ENGASE: variants seen among roughly 807,000 people sequenced by gnomAD.
ENGASE encodes the protein cytosolic endo-beta-N-acetylglucosaminidase.
ENGASE carries 69 observed loss-of-function variants against 78.5 expected under a neutral mutation model. The ratio of observed to expected loss-of-function variants is 0.88; its 90% CI spans 0.72 to 1.07. The LOEUF is 1.07. Among genes scored for constraint, ENGASE ranks in the 50% least tolerant of loss-of-function variants. The pLI is 0.00. For missense variants in ENGASE, 943 were observed against 988.4 expected (o/e 0.95, Z 0.62); for synonymous variants, 408 against 408.9 (o/e 1.00, Z 0.03).
Position 79,083,004 on chromosome 17 carries a change from C to G in ENGASE, c.1039-16C>G, listed in dbSNP as rs1347003975. ...TCTGGTCCTGATGTGCCCAGCGTCT[C>G]CCTCTGTCTCTTCAGTCGTTGGAGC... On this transcript the variant is annotated splice_polypyrimidine_tract_variant and intron_variant, in intron 7 of 13. Transcript: ENST00000579016. The surrounding 1 kb of genome is among the most constrained non-coding windows in gnomAD (Gnocchi z 4.9). The G allele has an allele frequency of 6.2e-7, 1 of 1,612,548 alleles. No homozygotes were observed. The highest frequency in any genetic ancestry group is 2.2e-5 in the East Asian group (1 of 44,862).
chr17:79,080,774 G>A, intron 5 of ENGASE, 151 bp from the exon 6 acceptor site: 1 of 1,022,884 alleles, frequency 9.8e-7, no homozygotes, highest in Non-Finnish European at 1.4e-6. Context: ...GACTCCACTT[G>A]CGGGGCTGTG....
chr17:79,085,909 G>A lies in ENGASE; in HGVS notation c.1816-24G>A, dbSNP rs185332588. 7.8e-4 allele frequency: 1,241 copies of A among 1,584,400 alleles called. 5 individuals carry two copies. The highest frequency in any genetic ancestry group is 5.8e-3 in the African/African-American group (432 of 74,748). The stretch of plus-strand genomic sequence containing the variant: ...TCTCCCCGCCCCCGGGCGTCCAGCC[G>A]TGCTGAGCCTTCTCTCCTGCCAGGT... On this transcript the variant is annotated intron_variant, in intron 13 of 13. Transcript: ENST00000579016.
chr17:79,080,437 T>G (rs1161109122), intron 5 of ENGASE, 73 bp downstream of exon 5: 9 of 1,560,082 alleles, frequency 5.8e-6, no homozygotes, highest in Admixed American at 5.2e-5. Context: ...TTTCCTGCCT[T>G]GGCCTCACCT....
chr17:79,086,067 C>G lies in ENGASE; in HGVS notation c.1950C>G (p.His650Gln), dbSNP rs1315143996. ...PALLQLSCTL[H>Q]WSFLLSQVRC... Reference sequence around the variant, plus strand: ...TGCTCCAGCTCAGCTGCACCCTGCACTGGTCCTTCCTCCTCTCACAAGTCC... The same window carrying G: ...TGCTCCAGCTCAGCTGCACCCTGCAGTGGTCCTTCCTCCTCTCACAAGTCC... Residue 650 changes from histidine (H) to glutamine (Q), a missense_variant, in exon 14 of 14, where the codon CAC becomes CAG. Physicochemically the swap from His to Gln is conservative, Grantham distance 24 (BLOSUM62 0). Transcript: ENST00000579016. 6.2e-7 allele frequency: 1 copy of G among 1,613,432 alleles called. No homozygotes were observed. The highest frequency in any genetic ancestry group is 8.5e-7 in the Non-Finnish European group (1 of 1,180,056).
chr17:79,082,789 C>T, intron 7 of ENGASE: 1 of 1,482,380 alleles, frequency 6.7e-7, no homozygotes, highest in Non-Finnish European at 9.0e-7. Context: ...CCCCTGCCCC[C>T]CTGCCCTTGC....
Position 79,086,960 on chromosome 17 carries a change from G to C in ENGASE, c.*611G>C, listed in dbSNP as rs1381186710. ...GCGCTGGCTTCGTGCCTCCACGTGG[G>C]CCAGCCCCAGCTGCTCCGTGTTTCC... On this transcript the variant is annotated 3_prime_UTR_variant, in exon 14 of 14. Coordinates refer to ENST00000579016, the MANE Select transcript of ENGASE (RefSeq NM_001042573.3). 1 of 495,468 alleles carries C rather than the reference G, an allele frequency of 2.0e-6. No homozygotes were observed. The allele number at this position is 495,468 out of a possible 1,614,324, so 30.7% of individuals were successfully genotyped here. A position where few individuals can be genotyped will look rare whatever the true frequency, so the allele number is the denominator to read the frequency against.
intron 3 of ENGASE, 66 bp downstream of exon 3, chr17:79,077,930 G>C: frequency 2.3e-6 from 3 of 1,306,058 alleles, no homozygotes; most frequent in Non-Finnish European, 2.1e-6. Context: ...GGGGCTGGAG[G>C]GGCGGGAGAG....
chr17:79,075,150 G>C, intron 1 of ENGASE, 60 bp downstream of exon 1: 1 of 1,196,774 alleles, frequency 8.4e-7, no homozygotes, highest in Non-Finnish European at 1.0e-6. Context: ...GTGGCCCCGG[G>C]GCCCGAGGTT....
At position 79,085,121 on chromosome 17, in the gene ENGASE, G is replaced by A. The variant is rs970635822; in HGVS notation, c.1592-113G>A. 4.6e-5 allele frequency: 38 copies of A among 825,348 alleles called. 1 individual carries two copies. The highest frequency in any genetic ancestry group is 1.3e-4 in the African/African-American group (8 of 59,572). The allele number at this position is 825,348 out of a possible 1,614,324, so 51.1% of individuals were successfully genotyped here. ...TGGTTGCTTCTTGGGACCCGCGAGC[G>A]TCTGGCCGAATCAGGCAGCCTTCTC... On this transcript the variant is annotated intron_variant, in intron 11 of 13. Coordinates refer to ENST00000579016, the MANE Select transcript of ENGASE (RefSeq NM_001042573.3).
At position 79,083,675 on chromosome 17, in the gene ENGASE, G is replaced by T. The variant is rs1440753633; in HGVS notation, c.1251+85G>T. On this transcript the variant is annotated intron_variant, in intron 9 of 13. Transcript: ENST00000579016. This position sits in a 1 kb window ranked among gnomAD's most constrained non-coding sequence, Gnocchi z 4.9. Reference sequence around the variant, plus strand: ...AGCCTGGGACTTGCCAGCAGGCACGGTGGTGGTCTTACCCTTCCCTGCCGC... The same window carrying T: ...AGCCTGGGACTTGCCAGCAGGCACGTTGGTGGTCTTACCCTTCCCTGCCGC... 6 of 1,530,170 alleles carry T rather than the reference G, an allele frequency of 3.9e-6. No homozygotes were observed. The Admixed American group carries it at 5.3e-5, about 13-fold the overall frequency. The allele number at this position is 1,530,170 out of a possible 1,614,324, so 94.8% of individuals were successfully genotyped here. A position where few individuals can be genotyped will look rare whatever the true frequency, so the allele number is the denominator to read the frequency against.
rs201573075 is a variant in ENGASE at position 79,086,341 on chromosome 17, C to T, written c.2224C>T (p.Pro742Ser). ...CAGGGCAGTTCTGCTTTATTCAGCC[C>T]CTGCATGAGCGGATGCTAAGGCCGG... ...WGRAVLLYSA[P>S]A Residue 742 changes from proline (P) to serine (S), a missense_variant, in exon 14 of 14, where the codon CCT (proline) becomes TCT (serine). By Grantham distance (74) the Pro-to-Ser change is moderately conservative. Transcript: ENST00000579016. 6.2e-7 allele frequency: 1 copy of T among 1,609,420 alleles called. No homozygotes were observed. The highest frequency in any genetic ancestry group is 2.2e-5 in the East Asian group (1 of 44,790).
At chr17:79,077,949 G>A (rs2145974252) in intron 3 of ENGASE, 85 bp downstream of exon 3, 1 of 1,371,690 alleles carries the variant, frequency 7.3e-7, no homozygotes, top group South Asian at 1.3e-5. Context: ...AGAGTGCCAT[G>A]TGTAGAAAGA....
intron 7 of ENGASE, chr17:79,082,286 T>C: frequency 1.3e-6 from 2 of 1,482,164 alleles, no homozygotes; most frequent in Non-Finnish European, 1.8e-6. Flanking sequence ...GATAATGTAT[T>C]TTTGTGTGGG....
rs527393912 is a variant in ENGASE, at chr17:79,079,750, C to T, written c.565+113C>T. The T allele has an allele frequency of 9.5e-6, 13 of 1,369,966 alleles. No homozygotes were observed. The East Asian group carries it at 1.9e-4, about 20-fold the overall frequency. 84.9% of individuals were successfully genotyped at this position (1,369,966 alleles called of 1,614,324 possible). ...CTGCTTCTCAGTGCCCAGAGCCCCTCGCTGGGGGCCGCCTTGGTCGGCTAG... is the reference window on the plus strand; with the variant it reads ...CTGCTTCTCAGTGCCCAGAGCCCCTTGCTGGGGGCCGCCTTGGTCGGCTAG... On this transcript the variant is annotated intron_variant, in intron 4 of 13. Transcript: ENST00000579016.
chr17:79,077,575 C>T, intron 2 of ENGASE, 78 bp downstream of exon 2: 2 of 1,569,410 alleles, frequency 1.3e-6, no homozygotes, highest in Non-Finnish European at 1.7e-6. Flanking sequence ...TGCCCCCTCT[C>T]ATGTTCCTTC....
intron 4 of ENGASE, 54 bp downstream of exon 4, chr17:79,079,691 AG>A (rs1224247827): frequency 1.3e-6 from 2 of 1,582,606 alleles, no homozygotes; most frequent in Middle Eastern, 3.4e-4. Context: ...CTCACCAGCC[AG>A]GGGACCCCGT....
rs2073341431 is a variant in ENGASE at position 79,087,197 on chromosome 17, G to C, written c.*848G>C. 2.6e-6 allele frequency: 1 copy of C among 378,392 alleles called. No individual in the cohort carries two copies. The highest frequency in any genetic ancestry group is 2.1e-5 in the African/African-American group (1 of 48,020). 23.4% of individuals were successfully genotyped at this position (378,392 alleles called of 1,614,324 possible). A position where few individuals can be genotyped will look rare whatever the true frequency, so the allele number is the denominator to read the frequency against. On this transcript the variant is annotated 3_prime_UTR_variant, in exon 14 of 14. Coordinates refer to ENST00000579016, the MANE Select transcript of ENGASE (RefSeq NM_001042573.3). ...CTGGGGTAGCAGGTCAGTCCAGGCAGGAAGCAGCACCTGCCCCCCGCGCCA... is the reference window on the plus strand; with the variant it reads ...CTGGGGTAGCAGGTCAGTCCAGGCACGAAGCAGCACCTGCCCCCCGCGCCA...
intron 2 of ENGASE, 31 bp downstream of exon 2, chr17:79,077,528 C>T (rs777769942): frequency 4.5e-6 from 7 of 1,544,394 alleles, no homozygotes; most frequent in Admixed American, 2.1e-5. Flanking sequence ...AATACCGATC[C>T]ACCTTCACAC....
chr17:79,079,828 T>G (rs538479137), intron 4 of ENGASE, among the ~76,000 whole-genome samples, 191 bp downstream of exon 4: 61 of 152,346 alleles, frequency 4.0e-4, no homozygotes, highest in African/African-American at 1.4e-3. Flanking sequence ...TTTTCATGAT[T>G]TCAGACCACT....
Sources: gnomAD v4.1 joint callset for allele counts (sites outside exome capture counted in the v4.1 genomes callset) on GRCh38, gnomAD v4.1.1 for gene constraint, Gnocchi (gnomAD v3.1) non-coding constraint, MANE v1.5 for transcripts, NCBI Gene and HGNC (gene_info 2026-07-23, HGNC 2026-07-21) for gene names.